The following G2E3 variants were observed in gnomAD, a reference collection of about 807,000 sequenced individuals.
The protein encoded by G2E3 is G2/M-phase specific E3 ubiquitin protein ligase.
A neutral mutation model predicts 92.8 loss-of-function variants in G2E3; 35 were observed. The observed-to-expected ratio is 0.38, with a 90% CI of 0.29 to 0.50. The LOEUF (loss-of-function observed/expected upper bound fraction) is 0.50, where lower values mean the gene tolerates loss of function less well. Among genes scored for constraint, G2E3 ranks in the 20% least tolerant of loss-of-function variants. G2E3 has a pLI of 0.94. For missense variants in G2E3, 554 were observed against 823.8 expected (o/e 0.67, Z 4.01); for synonymous variants, 242 against 272.4 (o/e 0.89, Z 1.10).
intron 13 of G2E3, among the ~76,000 whole-genome samples, chr14:30,613,719 C>A (rs534808505): frequency 2.5e-4 from 37 of 150,874 alleles, no homozygotes; most frequent in African/African-American, 8.5e-4. Flanking sequence ...TAAAATCAAA[C>A]TTTTTTTTAA....
At chr14:30,559,467 C>T (rs1460822221) in intron 1 of G2E3, 195 bp downstream of exon 1, 3 of 152,210 alleles carry the variant, frequency 2.0e-5, no homozygotes, top group Non-Finnish European at 4.4e-5. Flanking sequence ...CCAGCGCTCT[C>T]GACGGTTGCG....
At chr14:30,582,166 T>C (rs1234241111) in intron 2 of G2E3, among the ~76,000 whole-genome samples, 1 of 152,212 alleles carries the variant, frequency 6.6e-6, no homozygotes, top group Non-Finnish European at 1.5e-5. Context: ...CATCTACTAT[T>C]GATACTTTTT....
chr14:30,562,358 A>G (rs958496998), intron 1 of G2E3, among the ~76,000 whole-genome samples: 5 of 152,136 alleles, frequency 3.3e-5, no homozygotes, highest in Admixed American at 1.3e-4. Context: ...TCCTCGCTCT[A>G]CAATCATAAC....
In G2E3 at chr14:30,605,603, A is replaced by G. The variant is rs760125501; in HGVS notation, c.1109A>G (p.Asn370Ser). The G allele has an allele frequency of 9.6e-6, 15 of 1,568,142 alleles. No homozygotes were observed. Among genetic ancestry groups the G allele is most frequent in the Non-Finnish European group, 1.1e-5 (13 of 1,141,790 alleles). ...KTKRLYINKA[N>S]IWNSALDAFR... ...AAAAGATTGTATATCAACAAAGCCAATATCTGGAATAGTGCCTTAGATGCA... is the reference window on the plus strand; with the variant it reads ...AAAAGATTGTATATCAACAAAGCCAGTATCTGGAATAGTGCCTTAGATGCA... The change falls in exon 11 of 15, where the codon AAT becomes AGT. Residue 370 changes from asparagine to serine, a missense_variant. Physicochemically the swap from Asn to Ser is conservative, Grantham distance 46 (BLOSUM62 1). This residue lies in a region of G2E3 where 397 missense variants were observed against 560.3 expected (regional missense o/e 0.71). Transcript: ENST00000206595.
chr14:30,563,695 TTGTGTGTGTG>T (rs56029424), intron 1 of G2E3, among the ~76,000 whole-genome samples: 3,234 of 141,266 alleles, frequency 0.023, 127 homozygotes, highest in African/African-American at 0.081. Flanking sequence ...TTTGTTACTT[TTGTGTGTGTG>T]TGTGTGTGTG....
At chr14:30,592,278 T>G (rs534339886) in intron 4 of G2E3, 45 bp from the exon 5 acceptor site, 1 of 1,556,808 alleles carries the variant, frequency 6.4e-7, no homozygotes, top group Non-Finnish European at 8.8e-7. Flanking sequence ...ATTATAATAC[T>G]CAGATTTTTT....
In G2E3 at chr14:30,607,384, T is replaced by C. The variant is rs1881879559; in HGVS notation, c.1319-504T>C. 2.0e-5 allele frequency among the ~76,000 whole-genome samples: 3 copies of C among 152,170 alleles called. No individual in the cohort carries two copies. The South Asian group carries it at 6.2e-4, about 31-fold the overall frequency. On this transcript the variant is annotated intron_variant, in intron 11 of 14. Transcript: ENST00000206595. ...TAGCCTACTACACACCAAGGCTCTA[T>C]GGTAAAGCCTATTGGTTCTAGACTG... is the stretch of plus-strand genomic sequence containing the variant.
intron 1 of G2E3, among the ~76,000 whole-genome samples, chr14:30,569,381 G>A (rs921661783): frequency 3.3e-5 from 5 of 152,176 alleles, no homozygotes; most frequent in Non-Finnish European, 5.9e-5. Flanking sequence ...ACAAGGCAGA[G>A]CAAGGAGTTC....
intron 5 of G2E3, 29 bp from the exon 6 acceptor site, chr14:30,593,445 G>C (rs971055000): frequency 2.4e-6 from 3 of 1,225,362 alleles, no homozygotes; most frequent in East Asian, 4.8e-5. Context: ...CAGTTCATGA[G>C]ATTTTTTTAA....
intron 3 of G2E3, among the ~76,000 whole-genome samples, chr14:30,588,918 A>G (rs1240614439): frequency 6.6e-6 from 1 of 152,200 alleles, no homozygotes; most frequent in African/African-American, 2.4e-5. Flanking sequence ...AGGGTTCAAT[A>G]GGTTTTCTTG....
At chr14:30,594,650 A>G (rs867458460) in intron 6 of G2E3, among the ~76,000 whole-genome samples, 35 of 152,024 alleles carry the variant, frequency 2.3e-4, no homozygotes, top group Non-Finnish European at 4.4e-5. Context: ...CCAAGATGGC[A>G]CCACTGCATT....
chr14:30,592,544 A>G lies in G2E3; in HGVS notation c.362+97A>G, dbSNP rs188844296. 5.5e-3 allele frequency: 5,054 copies of G among 924,700 alleles called. 26 individuals are homozygous for G. The highest frequency in any genetic ancestry group is 6.7e-3 in the Non-Finnish European group (4,161 of 619,660). The allele number at this position is 924,700 out of a possible 1,614,324, so 57.3% of individuals were successfully genotyped here. A position where few individuals can be genotyped will look rare whatever the true frequency, so the allele number is the denominator to read the frequency against. ...TAATACTACAATAAATTTTCTGTTT[A>G]GAGCATCAGAGTTTAGATATAACAT... On this transcript the variant is annotated intron_variant, in intron 5 of 14. Transcript: ENST00000206595.
intron 4 of G2E3, chr14:30,590,512 A>G (rs944939399): frequency 3.0e-5 from 11 of 367,820 alleles, no homozygotes; most frequent in Non-Finnish European, 5.4e-5. Flanking sequence ...GCCCCTGTCC[A>G]TGTCCCACCC....
chr14:30,559,812 A>T (rs1298195968), intron 1 of G2E3: 2 of 152,210 alleles, frequency 1.3e-5, no homozygotes, highest in African/African-American at 4.8e-5. Context: ...GAAATGCCTG[A>T]GTGGGATTTA....
At chr14:30,568,331 GTGTA>G (rs1879559671) in intron 1 of G2E3, among the ~76,000 whole-genome samples, 3 of 152,116 alleles carry the variant, frequency 2.0e-5, no homozygotes. Context: ...CTAGTAGATA[GTGTA>G]TGTATGGATT....
intron 6 of G2E3, among the ~76,000 whole-genome samples, chr14:30,594,692 C>CAAA (rs959599969): frequency 7.6e-6 from 1 of 131,806 alleles, no homozygotes. Flanking sequence ...GACTCCATCT[C>CAAA]AAAAAAAAAA....
At chr14:30,608,164 T>C in intron 12 of G2E3, 95 bp downstream of exon 12, 2 of 704,236 alleles carry the variant, frequency 2.8e-6, no homozygotes, top group Non-Finnish European at 2.3e-6. Context: ...GTATTATCTA[T>C]GAAGGAGTTA....
At position 30,605,813 on chromosome 14, in the gene G2E3, G is replaced by T. The variant is rs1228100517; in HGVS notation, c.1318+1G>T. 2 of 1,488,614 alleles carry T rather than the reference G, an allele frequency of 1.3e-6. No homozygotes were observed. Among genetic ancestry groups the T allele is most frequent in the Non-Finnish European group, 1.8e-6 (2 of 1,100,956 alleles). 92.2% of individuals were successfully genotyped at this position (1,488,614 alleles called of 1,614,324 possible). On this transcript the variant is annotated splice_donor_variant, in intron 11 of 14. Transcript: ENST00000206595. LOFTEE classifies it high-confidence loss of function. ...AAGAACTTGTCTCTAAATTCTCAAG[G>T]TAATTATTTTATTTATTGTTGTATA...
At chr14:30,607,632 C>A (rs1881892922) in intron 11 of G2E3, among the ~76,000 whole-genome samples, 1 of 152,064 alleles carries the variant, frequency 6.6e-6, no homozygotes, top group Non-Finnish European at 1.5e-5. Flanking sequence ...GACTGTACAC[C>A]AAAGTGTTCA....
Sources: allele counts gnomAD v4.1 joint callset (sites outside exome capture counted in the v4.1 genomes callset), GRCh38; gene constraint gnomAD v4.1.1; regional missense constraint gnomAD v4.1.1; transcripts MANE v1.5; gene names NCBI Gene and HGNC (gene_info 2026-07-23, HGNC 2026-07-21).